CDH13: variants seen among roughly 807,000 people sequenced by gnomAD.
The protein encoded by CDH13 is cadherin 13, also known as cadherin-13.
Under a neutral mutation model 63.8 loss-of-function variants are expected in CDH13, and 24 were observed. The observed-to-expected ratio is 0.38, with a 90% CI of 0.27 to 0.53. The LOEUF (loss-of-function observed/expected upper bound fraction) is 0.53. Ranked by LOEUF, CDH13 falls within the 20% of genes least tolerant of loss-of-function variation. The pLI, the probability that CDH13 is intolerant of heterozygous loss-of-function variation, is 0.85. For missense variants in CDH13, 1,049 were observed against 903.1 expected (o/e 1.16, Z -2.07); for synonymous variants, 503 against 355.3 (o/e 1.42, Z -4.67).
chr16:83,538,127 C>G (rs1398146711), intron 7 of CDH13, among the ~76,000 whole-genome samples: 1 of 152,150 alleles, frequency 6.6e-6, no homozygotes. Flanking sequence ...GCTGTGTCTA[C>G]ACATATTCAG....
chr16:83,508,292 T>G (rs2074471253), intron 7 of CDH13: 1 of 154,650 alleles, frequency 6.5e-6, no homozygotes, highest in African/African-American at 2.4e-5. Context: ...TTCTGGAGGA[T>G]AGCAGTGAGA....
intron 1 of CDH13, among the ~76,000 whole-genome samples, chr16:82,826,898 A>T (rs1450272750): frequency 6.6e-6 from 1 of 152,216 alleles, no homozygotes; most frequent in South Asian, 2.1e-4. Context: ...AGAGAAGCTG[A>T]GAAAGACTAC....
At chr16:83,509,827 G>C (rs2074514944) in intron 7 of CDH13, among the ~76,000 whole-genome samples, 1 of 152,156 alleles carries the variant, frequency 6.6e-6, no homozygotes, top group South Asian at 2.1e-4. Context: ...TACTCTCTCT[G>C]AGTTTGGAGG....
At chr16:83,537,472 G>C (rs981225361) in intron 7 of CDH13, among the ~76,000 whole-genome samples, 19 of 152,168 alleles carry the variant, frequency 1.2e-4, no homozygotes, top group Non-Finnish European at 2.5e-4. Flanking sequence ...GAATTTGGTA[G>C]TTATATGATT....
At chr16:83,510,427 C>T (rs548580881) in intron 7 of CDH13, among the ~76,000 whole-genome samples, 6 of 152,188 alleles carry the variant, frequency 3.9e-5, no homozygotes, top group Non-Finnish European at 5.9e-5. Flanking sequence ...AGGTGGACTA[C>T]GTCTAATGGA....
At chr16:82,763,012 G>GA (rs1420111404) in intron 1 of CDH13, among the ~76,000 whole-genome samples, 3 of 152,114 alleles carry the variant, frequency 2.0e-5, no homozygotes, top group African/African-American at 7.2e-5. Context: ...GCTACTGTGT[G>GA]AAAAAATAAC....
chr16:83,503,398 C>T (rs560996007), intron 7 of CDH13, among the ~76,000 whole-genome samples: 95 of 152,242 alleles, frequency 6.2e-4, no homozygotes, highest in African/African-American at 2.0e-3. Flanking sequence ...TAACAACACG[C>T]CACATCTACC....
At chr16:83,264,155 G>C (rs796532864) in intron 5 of CDH13, among the ~76,000 whole-genome samples, 4 of 152,232 alleles carry the variant, frequency 2.6e-5, no homozygotes, top group African/African-American at 9.6e-5. Context: ...CAGACATAGG[G>C]TATAAATTGC....
At chr16:82,979,766 C>G (rs1181915683) in intron 2 of CDH13, among the ~76,000 whole-genome samples, 1 of 152,132 alleles carries the variant, frequency 6.6e-6, no homozygotes, top group East Asian at 1.9e-4. Flanking sequence ...ATGTGGTGAG[C>G]TTTTTCCTGC....
intron 6 of CDH13, among the ~76,000 whole-genome samples, chr16:83,424,485 T>C (rs188672359): frequency 1.3e-5 from 2 of 152,202 alleles, no homozygotes; most frequent in Non-Finnish European, 2.9e-5. Flanking sequence ...ATCCCCCACT[T>C]TTGAAGCCTC....
At chr16:82,835,662 C>T (rs970517704) in intron 1 of CDH13, among the ~76,000 whole-genome samples, 15 of 152,208 alleles carry the variant, frequency 9.9e-5, no homozygotes, top group African/African-American at 3.6e-4. Flanking sequence ...TGTCCCTCCA[C>T]AGGCTTGATC....
intron 2 of CDH13, among the ~76,000 whole-genome samples, chr16:83,020,793 A>G (rs972949944): frequency 9.2e-5 from 14 of 152,100 alleles, no homozygotes; most frequent in African/African-American, 2.4e-4. Context: ...TGCTCTTGCA[A>G]TAGAGAGGTA....
At chr16:82,954,288 C>T (rs1905724171) in intron 2 of CDH13, 1 of 152,058 alleles carries the variant, frequency 6.6e-6, no homozygotes, top group African/African-American at 2.4e-5. Flanking sequence ...AAGTCGACTT[C>T]CCGGAACTTC....
intron 10 of CDH13, among the ~76,000 whole-genome samples, chr16:83,713,516 A>G (rs1908396848): frequency 6.6e-6 from 1 of 152,146 alleles, no homozygotes. Flanking sequence ...CACCAAAAAA[A>G]AAAAAAATTT....
At chr16:83,316,179 G>A (rs909507777) in intron 5 of CDH13, among the ~76,000 whole-genome samples, 22 of 152,084 alleles carry the variant, frequency 1.4e-4, no homozygotes, top group Admixed American at 5.9e-4. Flanking sequence ...AAGAGCATGG[G>A]GGAACCACCC....
intron 2 of CDH13, among the ~76,000 whole-genome samples, chr16:82,903,948 C>G (rs1014560794): frequency 1.3e-5 from 2 of 152,154 alleles, no homozygotes; most frequent in African/African-American, 4.8e-5. Flanking sequence ...GTCTGCTTCT[C>G]TGTATGTCTC....
At chr16:82,912,352 C>A (rs1052005781) in intron 2 of CDH13, among the ~76,000 whole-genome samples, 2 of 152,190 alleles carry the variant, frequency 1.3e-5, no homozygotes, top group African/African-American at 4.8e-5. Flanking sequence ...CCATTCTAAA[C>A]CTTTATGGGT....
At chr16:83,491,163 C>T (rs921582133) in intron 7 of CDH13, among the ~76,000 whole-genome samples, 2 of 152,194 alleles carry the variant, frequency 1.3e-5, no homozygotes, top group Middle Eastern at 3.2e-3. Flanking sequence ...AATTTATTCA[C>T]TTTATGTTTA....
At chr16:83,201,176 C>G (rs371551918) in intron 4 of CDH13, among the ~76,000 whole-genome samples, 76 of 152,166 alleles carry the variant, frequency 5.0e-4, no homozygotes, top group African/African-American at 1.8e-3. Flanking sequence ...CTCATTTCAG[C>G]TTGTCTTAGC....
Sources: gnomAD v4.1 joint callset for allele counts (sites outside exome capture counted in the v4.1 genomes callset) on GRCh38, gnomAD v4.1.1 for gene constraint, MANE v1.5 for transcripts, NCBI Gene and HGNC (gene_info 2026-07-23, HGNC 2026-07-21) for gene names.